HYKK: variants seen among roughly 807,000 people sequenced by gnomAD.
HYKK encodes the protein 5-hydroxy-L-lysine kinase.
In HYKK, 19 loss-of-function variants were observed where a neutral mutation model predicts 29.7. The observed-to-expected ratio is 0.64, with a 90% CI of 0.45 to 0.94. HYKK has a LOEUF of 0.94. Among genes scored for constraint, HYKK ranks in the 40% least tolerant of loss-of-function variants. The pLI, the probability that HYKK is intolerant of heterozygous loss-of-function variation, is 0.00. For synonymous variants in HYKK, 152 were observed against 158.1 expected, an observed-to-expected ratio of 0.96 and a Z score of 0.29; for missense variants, 390 against 443.4, an observed-to-expected ratio of 0.88 and a Z score of 1.08.
chr15:78,531,732 C>T (rs573988177), intron 4 of HYKK, among the ~76,000 whole-genome samples: 7 of 152,100 alleles, frequency 4.6e-5, no homozygotes, highest in African/African-American at 9.7e-5. Flanking sequence ...GGTTTCACTA[C>T]GTTGGATAGG....
At position 78,534,065 on chromosome 15, in the gene HYKK, T is replaced by A. The variant is rs138116231; in HGVS notation, c.*395T>A. ...TCTGGACATAACATACTGACCTAGA[T>A]AACATACTACCAGTTCTATGAAACC... On this transcript the variant is annotated 3_prime_UTR_variant, in exon 5 of 5. Transcript: ENST00000388988. The A allele has an allele frequency of 3.6e-3, 581 of 161,474 alleles. 4 individuals are homozygous for A. The highest frequency in any genetic ancestry group is 0.011 in the African/African-American group (474 of 41,596). 10.0% of individuals were successfully genotyped at this position (161,474 alleles called of 1,614,324 possible).
intron 3 of HYKK, among the ~76,000 whole-genome samples, chr15:78,524,589 T>G (rs1368338432): frequency 6.6e-6 from 1 of 152,080 alleles, no homozygotes; most frequent in Admixed American, 6.6e-5. Flanking sequence ...TCTGCAGCCT[T>G]CTTGAGGTCA....
chr15:78,511,713 C>A (rs927031736), intron 1 of HYKK, among the ~76,000 whole-genome samples: 1 of 138,232 alleles, frequency 7.2e-6, no homozygotes, highest in Non-Finnish European at 1.6e-5. Flanking sequence ...CAGAGCAAGA[C>A]CCTGTCTGAA....
At chr15:78,527,269 G>C (rs2052263572) in intron 3 of HYKK, 111 bp from the exon 4 acceptor site, 3 of 860,946 alleles carry the variant, frequency 3.5e-6, no homozygotes, top group Admixed American at 5.6e-5. Flanking sequence ...CTGGGCGGCA[G>C]AGTAAGACTC....
At chr15:78,528,336 T>C in intron 4 of HYKK, 1 of 672,762 alleles carries the variant, frequency 1.5e-6, no homozygotes, top group Non-Finnish European at 1.8e-6. Context: ...ATCCTTCCGC[T>C]GTCTCCTGTC....
At chr15:78,529,011 C>G (rs952803542) in intron 4 of HYKK, among the ~76,000 whole-genome samples, 1 of 152,108 alleles carries the variant, frequency 6.6e-6, no homozygotes. Context: ...TTAATCTGGA[C>G]AAAAAGTTAG....
chr15:78,529,507 C>T (rs1008626826), intron 4 of HYKK, among the ~76,000 whole-genome samples: 3 of 152,206 alleles, frequency 2.0e-5, no homozygotes, highest in Non-Finnish European at 2.9e-5. Flanking sequence ...ATTTATACTA[C>T]AGCTAGCAGA....
intron 3 of HYKK, among the ~76,000 whole-genome samples, chr15:78,518,129 C>T (rs1380097691): frequency 1.3e-5 from 2 of 152,246 alleles, no homozygotes; most frequent in Admixed American, 1.3e-4. Context: ...TGGGTCTTCC[C>T]TCTCTGCACT....
chr15:78,512,910 C>CT (rs1480575536), intron 1 of HYKK, among the ~76,000 whole-genome samples, 174 bp from the exon 2 acceptor site: 1 of 152,212 alleles, frequency 6.6e-6, no homozygotes. Context: ...AAATCATCTA[C>CT]TTCTTGATCT....
downstream of HYKK, chr15:78,537,183 C>T (rs1034891135): frequency 6.6e-6 from 3 of 453,518 alleles, no homozygotes; most frequent in Non-Finnish European, 1.2e-5. Flanking sequence ...AATTTATTTC[C>T]ATAATAAATC....
chr15:78,514,908 C>CTATATATATA (rs1555411228), intron 2 of HYKK, 60 bp from the exon 3 acceptor site: 19 of 385,504 alleles, frequency 4.9e-5, no homozygotes, highest in African/African-American at 3.7e-4. Flanking sequence ...CTCTCTCTCT[C>CTATATATATA]TATATATATA....
intron 3 of HYKK, among the ~76,000 whole-genome samples, chr15:78,517,109 C>CTTTCTTTTT (rs1567017531): frequency 4.6e-5 from 5 of 108,404 alleles, no homozygotes; most frequent in African/African-American, 6.5e-5. Context: ...TTCTTTCTTT[C>CTTTCTTTTT]TTTTTTTTTT....
chr15:78,510,332 G>A (rs1031509072), intron 1 of HYKK, among the ~76,000 whole-genome samples: 4 of 151,610 alleles, frequency 2.6e-5, no homozygotes, highest in Non-Finnish European at 4.4e-5. Flanking sequence ...TATAGGCGCC[G>A]GCCACCATGC....
Position 78,533,815 on chromosome 15 carries a change from C to T in HYKK, c.*145C>T. 1.6e-6 allele frequency: 1 copy of T among 623,760 alleles called. No individual in the cohort carries two copies. The highest frequency in any genetic ancestry group is 3.1e-5 in the Admixed American group (1 of 32,498). 38.6% of individuals were successfully genotyped at this position (623,760 alleles called of 1,614,324 possible). ...CTGAATATGACAGAGCACATGAAATCCCTAAGGTCTTCAAGCAATCTCGTG... is the reference window on the plus strand; with the variant it reads ...CTGAATATGACAGAGCACATGAAATTCCTAAGGTCTTCAAGCAATCTCGTG... On this transcript the variant is annotated 3_prime_UTR_variant, in exon 5 of 5. Coordinates refer to ENST00000388988, the MANE Select transcript of HYKK (RefSeq NM_001013619.4).
chr15:78,514,970 A>C lies in HYKK; in HGVS notation c.340A>C (p.Ser114Arg). ...GATATTTTATTCCATCCATTTAGAT[A>C]GTGGCTCTGAAATCAAAAGCTACTT... ...DNTASLVSVD[S>R]GSEIKSYLVR... The change falls in exon 3 of 5, where the codon AGT (serine) becomes CGT (arginine). Residue 114 changes from serine (S) to arginine (R), a missense_variant and splice_region_variant. Coordinates refer to ENST00000388988, the MANE Select transcript of HYKK (RefSeq NM_001013619.4). 1 of 1,542,376 alleles carries C rather than the reference A, an allele frequency of 6.5e-7. No homozygotes were observed. The highest frequency in any genetic ancestry group is 8.8e-7 in the Non-Finnish European group (1 of 1,139,378).
intron 1 of HYKK, among the ~76,000 whole-genome samples, chr15:78,512,614 C>T (rs564117381): frequency 1.3e-5 from 2 of 151,868 alleles, no homozygotes; most frequent in South Asian, 4.2e-4. Context: ...GTTGGCCAGG[C>T]TGGTCTCAAA....
intron 1 of HYKK, among the ~76,000 whole-genome samples, chr15:78,511,211 A>G (rs1434590184): frequency 2.0e-5 from 3 of 152,090 alleles, no homozygotes; most frequent in Non-Finnish European, 2.9e-5. Context: ...TTTACAACTT[A>G]GTATGAAAGA....
At chr15:78,518,274 G>A (rs937199250) in intron 3 of HYKK, among the ~76,000 whole-genome samples, 3 of 152,040 alleles carry the variant, frequency 2.0e-5, no homozygotes, top group Non-Finnish European at 2.9e-5. Flanking sequence ...CGCAACCTCC[G>A]CCTCCCAGGC....
At chr15:78,524,846 T>A (rs1952418335) in intron 3 of HYKK, among the ~76,000 whole-genome samples, 1 of 151,666 alleles carries the variant, frequency 6.6e-6, no homozygotes, top group Non-Finnish European at 1.5e-5. Flanking sequence ...AAAAAACAGG[T>A]CTCATGAGAA....
Sources: gnomAD v4.1 joint callset for allele counts (sites outside exome capture counted in the v4.1 genomes callset) on GRCh38, gnomAD v4.1.1 for gene constraint, MANE v1.5 for transcripts, NCBI Gene and HGNC (gene_info 2026-07-23, HGNC 2026-07-21) for gene names.